The following C11orf65 variants were observed in gnomAD, a reference collection of about 807,000 sequenced individuals.
C11orf65 encodes chromosome 11 open reading frame 65.
Under a neutral mutation model 35.3 loss-of-function variants are expected in C11orf65, and 38 were observed. The ratio of observed to expected loss-of-function variants is 1.08; its 90% CI spans 0.83 to 1.41. The LOEUF (loss-of-function observed/expected upper bound fraction) is 1.41, where lower values mean the gene tolerates loss of function less well. Ranked by LOEUF, C11orf65 falls within the 40% of genes most tolerant of loss-of-function variation. The pLI is 0.00. For missense variants in C11orf65, 370 were observed against 367.1 expected (o/e 1.01, Z -0.06); for synonymous variants, 105 against 114.4 (o/e 0.92, Z 0.53).
chr11:108,456,418 A>G (rs939260792), intron 2 of C11orf65, among the ~76,000 whole-genome samples: 3 of 152,204 alleles, frequency 2.0e-5, no homozygotes, highest in African/African-American at 4.8e-5. Context: ...TAGAACAAAC[A>G]TAAGGAAAAT....
intron 3 of C11orf65, among the ~76,000 whole-genome samples, chr11:108,332,388 C>T (rs1018875054): frequency 3.3e-5 from 5 of 152,030 alleles, no homozygotes; most frequent in Non-Finnish European, 5.9e-5. Flanking sequence ...GCCAAGGTTG[C>T]GCCATTGCAC....
chr11:108,329,383 C>A, downstream of C11orf65: 3 of 752,216 alleles, frequency 4.0e-6, no homozygotes, highest in South Asian at 1.9e-5. Context: ...TTATCTTGGT[C>A]TTTTGGGTTC....
At chr11:108,431,977 A>G in intron 2 of C11orf65, 139 bp from the exon 3 acceptor site, 1 of 455,438 alleles carries the variant, frequency 2.2e-6, no homozygotes, top group Non-Finnish European at 3.9e-6. Context: ...TAGAAATATT[A>G]TGCACTCAGG....
intron 6 of C11orf65, chr11:108,317,331 T>G: frequency 6.3e-7 from 1 of 1,591,836 alleles, no homozygotes; most frequent in Non-Finnish European, 8.6e-7. Flanking sequence ...TCTGTTGATA[T>G]CTTTGATTAC....
intron 6 of C11orf65, chr11:108,309,091 G>T: frequency 1.5e-6 from 2 of 1,373,120 alleles, no homozygotes; most frequent in African/African-American, 1.4e-5. Flanking sequence ...GTATGAATGG[G>T]ATATAGAAAA....
chr11:108,353,888 A>C lies in C11orf65; in HGVS notation c.227-18596T>G, dbSNP rs4986839. ...TGAAGGTGTCTTCAGAAGGTAAGTG[A>C]TATGAAGTAAAGGAGGGAAATAATT... On this transcript the variant is annotated intron_variant, in intron 2 of 3. Transcript: ENST00000524755. 0.035 allele frequency: 55,362 copies of C among 1,604,136 alleles called. 1,200 individuals are homozygous for C. Among genetic ancestry groups the C allele is most frequent in the Non-Finnish European group, 0.04 (46,907 of 1,171,016 alleles).
intron 2 of C11orf65, chr11:108,335,390 A>G (rs1374838054): frequency 1.1e-6 from 1 of 885,772 alleles, no homozygotes; most frequent in Non-Finnish European, 1.6e-6. Flanking sequence ...GAAAAAAAAT[A>G]CTTTGGTGTC....
intron 3 of C11orf65, chr11:108,331,732 C>T (rs2086261919): frequency 7.8e-7 from 1 of 1,275,128 alleles, no homozygotes; most frequent in African/African-American, 1.5e-5. Flanking sequence ...TCATAGGCCT[C>T]TGCCTTTTTC....
At chr11:108,331,030 G>A (rs2086185047), downstream of C11orf65, among the ~76,000 whole-genome samples, 1 of 152,060 alleles carries the variant, frequency 6.6e-6, no homozygotes, top group Admixed American at 6.6e-5. Context: ...ACTCATAATA[G>A]ATACAGTCAA....
At chr11:108,398,697 G>C (rs1354974581) in intron 6 of C11orf65, among the ~76,000 whole-genome samples, 1 of 152,192 alleles carries the variant, frequency 6.6e-6, no homozygotes, top group East Asian at 1.9e-4. Flanking sequence ...GCTGTTTCTA[G>C]GTGATGGCAC....
Position 108,383,000 on chromosome 11 carries a change from T to G in C11orf65, c.*21A>C. Reference sequence around the variant, plus strand: ...GATGGAAGGCTCAAAGGGCTATAACTCAGAATAGAAATAAAGTACTTTATA... The same window carrying G: ...GATGGAAGGCTCAAAGGGCTATAACGCAGAATAGAAATAAAGTACTTTATA... On this transcript the variant is annotated 3_prime_UTR_variant, in exon 9 of 9. Coordinates refer to ENST00000393084, the MANE Select transcript of C11orf65 (RefSeq NM_152587.5). The G allele has an allele frequency of 6.2e-7, 1 of 1,610,332 alleles. No homozygotes were observed.
intron 2 of C11orf65, among the ~76,000 whole-genome samples, chr11:108,446,120 T>A (rs1331528785): frequency 2.0e-5 from 3 of 151,882 alleles, no homozygotes. Flanking sequence ...CTCCAAGAAA[T>A]ATGGGACTAC....
chr11:108,374,289 A>C (rs1301234097), intron 2 of C11orf65, among the ~76,000 whole-genome samples: 1 of 152,108 alleles, frequency 6.6e-6, no homozygotes, highest in Admixed American at 6.5e-5. Flanking sequence ...CTGAGACAAA[A>C]CTTCCAGAGG....
chr11:108,338,934 C>A (rs1242597428), intron 2 of C11orf65, among the ~76,000 whole-genome samples: 5 of 152,142 alleles, frequency 3.3e-5, no homozygotes, highest in Non-Finnish European at 7.4e-5. Context: ...CATTCCCAAT[C>A]CTGAGATTCA....
intron 2 of C11orf65, among the ~76,000 whole-genome samples, chr11:108,456,572 A>T (rs930528317): frequency 6.6e-6 from 1 of 152,044 alleles, no homozygotes; most frequent in African/African-American, 2.4e-5. Flanking sequence ...GCTTGAGGCC[A>T]GGAGTTCAAC....
chr11:108,330,151 G>A (rs763445924), downstream of C11orf65: 1 of 1,537,718 alleles, frequency 6.5e-7, no homozygotes, highest in Non-Finnish European at 8.9e-7. Context: ...TATATCATGT[G>A]TGATTTTGTA....
chr11:108,416,721 C>G (rs193101069), intron 3 of C11orf65, among the ~76,000 whole-genome samples: 1 of 152,062 alleles, frequency 6.6e-6, no homozygotes, highest in Non-Finnish European at 1.5e-5. Flanking sequence ...CCTCTATACA[C>G]CTTTTAGAAT....
At chr11:108,422,813 C>T (rs929666295) in intron 3 of C11orf65, among the ~76,000 whole-genome samples, 3 of 150,194 alleles carry the variant, frequency 2.0e-5, no homozygotes, top group East Asian at 2.0e-4. Context: ...ACCTGGGAGG[C>T]GGAGGTTGCA....
intron 2 of C11orf65, among the ~76,000 whole-genome samples, chr11:108,438,929 G>T (rs12289561): frequency 6.6e-6 from 1 of 151,774 alleles, no homozygotes; most frequent in East Asian, 1.9e-4. Flanking sequence ...TCATTTGAAC[G>T]CAGGAGGCAG....
Sources: gnomAD v4.1 joint callset for allele counts (sites outside exome capture counted in the v4.1 genomes callset) on GRCh38, gnomAD v4.1.1 for gene constraint, MANE v1.5 for transcripts, NCBI Gene and HGNC (gene_info 2026-07-23, HGNC 2026-07-21) for gene names.